DSCAM: variants seen among roughly 807,000 people sequenced by gnomAD.
DSCAM encodes the protein cell adhesion molecule DSCAM.
DSCAM carries 47 observed loss-of-function variants against 217.7 expected under a neutral mutation model. That is an observed-to-expected ratio of 0.22 (90% CI 0.17 to 0.28). The LOEUF (loss-of-function observed/expected upper bound fraction) is 0.28, where lower values mean the gene tolerates loss of function less well. Ranked by LOEUF, DSCAM falls within the 10% of genes least tolerant of loss-of-function variation. DSCAM has a pLI of 1.00. For synonymous variants in DSCAM, 1,056 were observed against 1,015.3 expected (o/e 1.04, Z -0.76); for missense variants, 2,080 against 2,618.3 (o/e 0.79, Z 4.49).
chr21:40,077,296 G>A (rs977624906), intron 26 of DSCAM, among the ~76,000 whole-genome samples: 19 of 152,172 alleles, frequency 1.2e-4, no homozygotes, highest in African/African-American at 3.9e-4. Context: ...CCTGGACTCT[G>A]GCAGAGAAGG....
intron 3 of DSCAM, among the ~76,000 whole-genome samples, chr21:40,482,136 C>G (rs1370643786): frequency 6.6e-6 from 1 of 152,144 alleles, no homozygotes; most frequent in Non-Finnish European, 1.5e-5. Context: ...TCCATGTCAC[C>G]TTTTTTGTGG....
At chr21:40,410,145 T>C (rs867231544) in intron 3 of DSCAM, among the ~76,000 whole-genome samples, 2 of 151,770 alleles carry the variant, frequency 1.3e-5, no homozygotes, top group South Asian at 2.1e-4. Flanking sequence ...ATAGTATAAA[T>C]GGAAATAGAA....
chr21:40,023,147 T>G lies in DSCAM; in HGVS notation c.5687-9761A>C, dbSNP rs573994239. 1.9e-3 allele frequency among the ~76,000 whole-genome samples: 287 copies of G among 151,894 alleles called. 2 individuals are homozygous for G. The highest frequency in any genetic ancestry group is 6.2e-3 in the African/African-American group (258 of 41,428). On this transcript the variant is annotated intron_variant, in intron 32 of 32. Coordinates refer to ENST00000400454, the MANE Select transcript of DSCAM (RefSeq NM_001389.5). ...GTTTGGTTTTTTGTTCTTGCGATAG[T>G]TTACTGAGAATGATGATTTCCAATT...
intron 1 of DSCAM, among the ~76,000 whole-genome samples, chr21:40,787,818 A>G (rs572289811): frequency 2.8e-4 from 40 of 142,118 alleles, no homozygotes; most frequent in African/African-American, 8.7e-4. Flanking sequence ...CCCACAAAAT[A>G]CAGGGAAAAA....
chr21:40,651,878 A>G (rs1034558319), intron 3 of DSCAM, among the ~76,000 whole-genome samples: 2 of 152,158 alleles, frequency 1.3e-5, no homozygotes, highest in Non-Finnish European at 2.9e-5. Context: ...AGATAAAGAC[A>G]TTTTTTAAAA....
intron 3 of DSCAM, among the ~76,000 whole-genome samples, chr21:40,608,755 T>G (rs2837741): frequency 0.23 from 34,990 of 152,072 alleles, 4,101 homozygotes; most frequent in East Asian, 0.31. Context: ...TTAAATAAAT[T>G]CACATATTTA....
At chr21:40,218,216 G>T (rs1433073823) in intron 11 of DSCAM, among the ~76,000 whole-genome samples, 1 of 152,146 alleles carries the variant, frequency 6.6e-6, no homozygotes, top group Non-Finnish European at 1.5e-5. Context: ...CATATGGTCA[G>T]CCAGTTATCC....
intron 14 of DSCAM, among the ~76,000 whole-genome samples, chr21:40,181,436 A>C (rs1258936278): frequency 2.0e-5 from 3 of 152,224 alleles, no homozygotes; most frequent in Non-Finnish European, 4.4e-5. Context: ...GGTCATTCCG[A>C]TGTATAGTTT....
chr21:40,223,441 C>T (rs1287587846), intron 11 of DSCAM, among the ~76,000 whole-genome samples: 1 of 152,206 alleles, frequency 6.6e-6, no homozygotes, highest in Middle Eastern at 3.2e-3. Context: ...TGCAGCATGA[C>T]ATATGGGCTT....
chr21:40,571,665 GTGTT>G (rs1426739841), intron 3 of DSCAM, among the ~76,000 whole-genome samples: 18 of 152,332 alleles, frequency 1.2e-4, no homozygotes, highest in Middle Eastern at 3.4e-3. Context: ...ATATACATGT[GTGTT>G]TGTTTGTATA....
chr21:40,302,535 G>A (rs1183211282), intron 9 of DSCAM, among the ~76,000 whole-genome samples: 1 of 152,086 alleles, frequency 6.6e-6, no homozygotes, highest in Non-Finnish European at 1.5e-5. Context: ...CGGTTTTTCT[G>A]GTAGGGAGGA....
chr21:40,591,647 G>A (rs1214384608), intron 3 of DSCAM, among the ~76,000 whole-genome samples: 1 of 152,188 alleles, frequency 6.6e-6, no homozygotes, highest in East Asian at 1.9e-4. Flanking sequence ...AGAACAAAGT[G>A]AGGTAACAAG....
At chr21:40,806,209 C>G (rs1237173498) in intron 1 of DSCAM, among the ~76,000 whole-genome samples, 1 of 152,330 alleles carries the variant, frequency 6.6e-6, no homozygotes, top group South Asian at 2.1e-4. Context: ...TAAGTCCCCA[C>G]TGTGGCCTTC....
rs749541248 is a variant in DSCAM at position 40,347,868 on chromosome 21, T to G, written c.1012A>C (p.Thr338Pro). Reference sequence around the variant, plus strand: ...GAGAGTTCCTGGTCCTCAGTTCCTGTCACGCTGCAGGACAAGGAAACTTGG... The same window carrying G: ...GAGAGTTCCTGGTCCTCAGTTCCTGGCACGCTGCAGGACAAGGAAACTTGG... ...GSQVSLSCSV[T>P]GTEDQELSWY... The change falls in exon 6 of 33, where the codon ACA (threonine) becomes CCA (proline). Residue 338 changes from threonine (T) to proline (P), a missense_variant. By Grantham distance (38) the Thr-to-Pro change is conservative. Coordinates refer to ENST00000400454, the MANE Select transcript of DSCAM (RefSeq NM_001389.5). The G allele has an allele frequency of 6.2e-7, 1 of 1,614,090 alleles. No individual in the cohort carries two copies.
chr21:40,365,575 TTC>T (rs1400999202), intron 4 of DSCAM, among the ~76,000 whole-genome samples: 4 of 152,176 alleles, frequency 2.6e-5, no homozygotes, highest in African/African-American at 9.7e-5. Context: ...ATCCTATTAA[TTC>T]TGTCCCCCTA....
chr21:40,018,691 A>G (rs2088208838), intron 32 of DSCAM, among the ~76,000 whole-genome samples: 1 of 152,228 alleles, frequency 6.6e-6, no homozygotes, highest in Non-Finnish European at 1.5e-5. Flanking sequence ...GACTCATAAT[A>G]TCTGCATCCT....
intron 27 of DSCAM, among the ~76,000 whole-genome samples, chr21:40,072,763 C>G (rs1457776537): frequency 6.6e-6 from 1 of 152,112 alleles, no homozygotes; most frequent in South Asian, 2.1e-4. Context: ...TGCTCCTTAA[C>G]ATCTCTTAGT....
At chr21:40,467,492 G>A (rs8128624) in intron 3 of DSCAM, among the ~76,000 whole-genome samples, 11,171 of 152,176 alleles carry the variant, frequency 0.073, 800 homozygotes, top group African/African-American at 0.18. Flanking sequence ...CTAAAAGTAC[G>A]TATTTAGAAG....
chr21:40,524,723 T>C (rs1416830008), intron 3 of DSCAM, among the ~76,000 whole-genome samples: 1 of 152,046 alleles, frequency 6.6e-6, no homozygotes, highest in Non-Finnish European at 1.5e-5. Context: ...ATTAAAAAAT[T>C]CACAGGGCCA....
Sources: gnomAD v4.1 joint callset for allele counts (sites outside exome capture counted in the v4.1 genomes callset) on GRCh38, gnomAD v4.1.1 for gene constraint, MANE v1.5 for transcripts, NCBI Gene and HGNC (gene_info 2026-07-23, HGNC 2026-07-21) for gene names.